The following MID2 variants were observed in gnomAD, a reference collection of about 807,000 sequenced individuals.
MID2 encodes the protein midline 2.
In MID2, 13 loss-of-function variants were observed where a neutral mutation model predicts 46.1. The ratio of observed to expected loss-of-function variants is 0.28; its 90% CI spans 0.18 to 0.45. The LOEUF (loss-of-function observed/expected upper bound fraction) is 0.45. MID2 is among the 20% of genes least tolerant of loss of function. The pLI is 1.00. For missense variants in MID2, 431 were observed against 575.4 expected (o/e 0.75, Z 2.57); for synonymous variants, 199 against 212.3 (o/e 0.94, Z 0.55).
At chrX:107,877,127 A>T (rs1338741721) in intron 3 of MID2, among the ~76,000 whole-genome samples, 1 of 112,030 alleles carries the variant, frequency 8.9e-6, no homozygotes, top group Non-Finnish European at 1.9e-5. Flanking sequence ...GGCTGAACCA[A>T]TCCTACACTA....
chrX:107,864,458 TG>T (rs987155981), intron 3 of MID2, among the ~76,000 whole-genome samples: 24 of 110,786 alleles, frequency 2.2e-4, no homozygotes, highest in Non-Finnish European at 4.5e-4. Flanking sequence ...GTGGAAATAG[TG>T]TGGGCAGCTC....
In MID2 at chrX:107,842,234, AGTT is replaced by A. The variant is rs1410130343; in HGVS notation, c.720+855_720+857del. ...GTATTCAATGGACAGAGTTTTCTAA[AGTT>A]GTTGTGTCATATAATATGTATGTAC... On this transcript the variant is annotated intron_variant, in intron 2 of 9. Transcript: ENST00000262843. 1.9e-4 allele frequency among the ~76,000 whole-genome samples: 21 copies of A among 111,909 alleles called. No individual in the cohort carries two copies. The Admixed American group carries it at 1.9e-3, about 10-fold the overall frequency.
chrX:107,926,218 C>T lies in MID2; in HGVS notation c.1722C>T (p.Gly574=), dbSNP rs1210916793. ...KKSHTPERFS[G]TGCYGAAGNI... ...GCCACACCCCAGAGAGGTTTAGTGG[C>T]ACAGGGTGCTATGGGGCAGCAGGAA... The change falls in exon 9 of 10, where the codon GGC becomes GGT. Residue 574 remains glycine (G), a synonymous_variant. Transcript: ENST00000262843. 10 of 1,210,264 alleles carry T rather than the reference C, an allele frequency of 8.3e-6. No individual in the cohort carries two copies. The highest frequency in any genetic ancestry group is 3.5e-5 in the South Asian group (2 of 56,903).
intron 5 of MID2, among the ~76,000 whole-genome samples, chrX:107,913,676 C>T (rs1369077395): frequency 9.0e-6 from 1 of 111,639 alleles, no homozygotes; most frequent in Admixed American, 9.5e-5. Context: ...TTTGCTTTGA[C>T]TTTGTTTTCT....
At chrX:107,879,719 A>G (rs772372808) in intron 3 of MID2, among the ~76,000 whole-genome samples, 8 of 111,617 alleles carry the variant, frequency 7.2e-5, no homozygotes, top group African/African-American at 2.0e-4. Context: ...TCCTATCCCT[A>G]TCAGTATGTT....
At chrX:107,865,915 A>C (rs1931945855) in intron 3 of MID2, among the ~76,000 whole-genome samples, 1 of 112,866 alleles carries the variant, frequency 8.9e-6, no homozygotes, top group Non-Finnish European at 1.9e-5. Context: ...TGGCAGGTTT[A>C]CGAATGTCCA....
intron 1 of MID2, among the ~76,000 whole-genome samples, chrX:107,833,235 G>T (rs1378951806): frequency 1.8e-5 from 2 of 110,758 alleles, no homozygotes; most frequent in Non-Finnish European, 3.8e-5. Context: ...GAGCTGGAAA[G>T]CATCTTAAAG....
chrX:107,851,853 CTTTTTATTTATT>C (rs1392512428), intron 2 of MID2, among the ~76,000 whole-genome samples: 876 of 81,528 alleles, frequency 0.011, 20 homozygotes, highest in African/African-American at 0.037. Flanking sequence ...TTTCTTTATA[CTTTTTATTTATT>C]TATTTATTTA....
intron 3 of MID2, among the ~76,000 whole-genome samples, chrX:107,856,576 A>G (rs1305581368): frequency 8.9e-6 from 1 of 111,797 alleles, no homozygotes; most frequent in Non-Finnish European, 1.9e-5. Context: ...GACCCTGGCC[A>G]GCCTCACCCA....
At position 107,926,108 on chromosome X, in the gene MID2, T is replaced by C. The variant is rs1933170847; in HGVS notation, c.1612T>C (p.Leu538=). The change falls in exon 9 of 10, where the codon TTG becomes CTG. Residue 538 remains leucine (L), a synonymous_variant. Coordinates refer to ENST00000262843, the MANE Select transcript of MID2 (RefSeq NM_012216.4). ...RLKTNSQPFK[L]DPKMTHKKLK... Reference sequence around the variant, plus strand: ...TTATTTTTCAGGCCAACCCTTTAAATTGGATCCCAAAATGACTCACAAGAA... The same window carrying C: ...TTATTTTTCAGGCCAACCCTTTAAACTGGATCCCAAAATGACTCACAAGAA... 1.7e-6 allele frequency: 2 copies of C among 1,200,059 alleles called. No homozygotes were observed. Among genetic ancestry groups the C allele is most frequent in the Admixed American group, 2.2e-5 (1 of 45,165 alleles).
intron 1 of MID2, among the ~76,000 whole-genome samples, chrX:107,829,078 C>T (rs1025158364): frequency 2.7e-5 from 3 of 111,778 alleles, no homozygotes; most frequent in Non-Finnish European, 5.7e-5. Context: ...CAGGATTCAC[C>T]ATGTTTCCCA....
chrX:107,930,692 G>T lies in MID2; in HGVS notation c.*3619G>T, dbSNP rs141019855. 2.9e-3 allele frequency among the ~76,000 whole-genome samples: 328 copies of T among 111,934 alleles called. 1 individual carries two copies. Among genetic ancestry groups the T allele is most frequent in the African/African-American group, 0.01 (318 of 30,898 alleles). On this transcript the variant is annotated 3_prime_UTR_variant, in exon 10 of 10. Transcript: ENST00000262843. The stretch of plus-strand genomic sequence containing the variant: ...TTTATAGAATCCTGGCAATGCCATG[G>T]ACCTTAAGAGAAGTAATTGGCTACC...
At chrX:107,858,993 G>A (rs987776630) in intron 3 of MID2, among the ~76,000 whole-genome samples, 27 of 111,168 alleles carry the variant, frequency 2.4e-4, no homozygotes, top group African/African-American at 8.5e-4. Context: ...CCTTAGTCTG[G>A]GGAATTTCAG....
intron 3 of MID2, among the ~76,000 whole-genome samples, chrX:107,880,119 G>A (rs1192982120): frequency 1.9e-5 from 2 of 107,702 alleles, no homozygotes; most frequent in Non-Finnish European, 3.8e-5. Flanking sequence ...GGGGACTAGG[G>A]TTTTTCTTTC....
chrX:107,826,730 C>T (rs891427789), intron 1 of MID2, among the ~76,000 whole-genome samples: 40 of 113,147 alleles, frequency 3.5e-4, no homozygotes, highest in African/African-American at 8.0e-4. Context: ...GCAGCCTGGC[C>T]GGGCCCGGCG....
intron 3 of MID2, among the ~76,000 whole-genome samples, chrX:107,876,164 G>A (rs1932195943): frequency 9.1e-6 from 1 of 110,366 alleles, no homozygotes. Flanking sequence ...TGGGGTTTGT[G>A]GGCTTTCATG....
At chrX:107,871,255 G>A (rs936259281) in intron 3 of MID2, among the ~76,000 whole-genome samples, 5 of 111,776 alleles carry the variant, frequency 4.5e-5, no homozygotes, top group African/African-American at 1.6e-4. Flanking sequence ...GAGTGCACGG[G>A]TGCTAGAACT....
intron 5 of MID2, among the ~76,000 whole-genome samples, chrX:107,910,587 A>G (rs945349551): frequency 2.8e-5 from 3 of 106,659 alleles, no homozygotes; most frequent in African/African-American, 6.8e-5. Flanking sequence ...ACTGTTTTTT[A>G]TAATGGCTGT....
chrX:107,843,515 T>C (rs1412531317), intron 2 of MID2, among the ~76,000 whole-genome samples: 1 of 111,919 alleles, frequency 8.9e-6, no homozygotes, highest in Non-Finnish European at 1.9e-5. Context: ...TTAGGAAATG[T>C]GCAGAAAATT....
Sources: allele counts gnomAD v4.1 joint callset (sites outside exome capture counted in the v4.1 genomes callset), GRCh38; gene constraint gnomAD v4.1.1; transcripts MANE v1.5; gene names NCBI Gene and HGNC (gene_info 2026-07-23, HGNC 2026-07-21).